Variants in NRXN3 observed in about 807,000 individuals in gnomAD.
The protein encoded by NRXN3 is neurexin III.
A neutral mutation model predicts 137.6 loss-of-function variants in NRXN3; 32 were observed. The ratio of observed to expected loss-of-function variants is 0.23; its 90% CI spans 0.18 to 0.31. The LOEUF is 0.31. NRXN3 is among the 10% of genes least tolerant of loss of function. The pLI is 1.00. For synonymous variants in NRXN3, 798 were observed against 784.5 expected (o/e 1.02, Z -0.29); for missense variants, 1,574 against 2,062.5 (o/e 0.76, Z 4.59).
chr14:78,917,092 C>T (rs1356693594), intron 10 of NRXN3, among the ~76,000 whole-genome samples: 4 of 152,086 alleles, frequency 2.6e-5, no homozygotes, highest in African/African-American at 4.8e-5. Flanking sequence ...TTTCAACATA[C>T]GAGTGTTTGG....
intron 16 of NRXN3, among the ~76,000 whole-genome samples, chr14:79,561,164 C>G (rs901923669): frequency 2.6e-5 from 4 of 152,254 alleles, no homozygotes; most frequent in African/African-American, 9.6e-5. Context: ...GCAGGTTGGC[C>G]TGGGCTCTGC....
At chr14:79,309,705 T>C (rs1442803828) in intron 15 of NRXN3, among the ~76,000 whole-genome samples, 1 of 146,778 alleles carries the variant, frequency 6.8e-6, no homozygotes, top group Non-Finnish European at 1.5e-5. Flanking sequence ...TTTCTTCATG[T>C]GTTTTTTGGC....
intron 8 of NRXN3, among the ~76,000 whole-genome samples, chr14:78,793,318 G>A (rs1001645971): frequency 2.6e-5 from 4 of 151,988 alleles, no homozygotes; most frequent in Admixed American, 6.6e-5. Flanking sequence ...GAACAGTGAC[G>A]GCATTTAAAT....
intron 15 of NRXN3, among the ~76,000 whole-genome samples, chr14:79,030,990 C>T (rs1169135836): frequency 6.6e-6 from 1 of 152,020 alleles, no homozygotes; most frequent in East Asian, 1.9e-4. Context: ...GTTGTTATGA[C>T]ATTTCTATTT....
intron 15 of NRXN3, among the ~76,000 whole-genome samples, chr14:79,141,865 A>G (rs2058813092): frequency 6.6e-6 from 1 of 152,194 alleles, no homozygotes; most frequent in Admixed American, 6.5e-5. Context: ...AAACTTCTGT[A>G]TATATTCGGT....
At chr14:79,256,974 C>A (rs1469072111) in intron 15 of NRXN3, among the ~76,000 whole-genome samples, 4 of 152,066 alleles carry the variant, frequency 2.6e-5, no homozygotes, top group Non-Finnish European at 4.4e-5. Flanking sequence ...AGGTTCACTT[C>A]TTAGTTCATC....
intron 7 of NRXN3, among the ~76,000 whole-genome samples, chr14:78,710,908 A>G: frequency 6.6e-6 from 1 of 152,216 alleles, no homozygotes; most frequent in East Asian, 1.9e-4. Flanking sequence ...AAGAGCCTTC[A>G]AATTAAATGT....
At chr14:78,685,736 G>A (rs569346109) in intron 6 of NRXN3, among the ~76,000 whole-genome samples, 1 of 148,774 alleles carries the variant, frequency 6.7e-6, no homozygotes, top group African/African-American at 2.5e-5. Context: ...GGGTTCAAGC[G>A]ATTCTCCTGC....
Position 79,798,704 on chromosome 14 carries a change from T to C in NRXN3, c.4015-6408T>C, listed in dbSNP as rs1603526282. Among the ~76,000 whole-genome samples the C allele has an allele frequency of 2.6e-5, 4 of 152,260 alleles. No homozygotes were observed. The East Asian group carries it at 5.8e-4, about 22-fold the overall frequency. On this transcript the variant is annotated intron_variant, in intron 19 of 20. Transcript: ENST00000335750. ...TGATTAGCCTATTACCAGTGTAAGA[T>C]AAAGAGCTGAAGGGTGGAATTTGAA...
chr14:78,242,474 T>G lies in NRXN3; in HGVS notation c.-620T>G, dbSNP rs1252920546. The G allele has an allele frequency of 6.6e-6, 1 of 152,482 alleles. No individual in the cohort carries two copies. The highest frequency in any genetic ancestry group is 1.5e-5 in the Non-Finnish European group (1 of 68,244). 9.4% of individuals were successfully genotyped at this position (152,482 alleles called of 1,614,324 possible). ...ATGAAGCCTGAGTCTGCTTGCGCTC[T>G]GCCCAGGGCCCTGCTCTGTCTGAGC... is the stretch of plus-strand genomic sequence containing the variant. On this transcript the variant is annotated 5_prime_UTR_variant, in exon 2 of 21. Coordinates refer to ENST00000335750, the MANE Select transcript of NRXN3 (RefSeq NM_001330195.2).
chr14:79,031,686 C>T (rs186187676), intron 15 of NRXN3, among the ~76,000 whole-genome samples: 155 of 144,396 alleles, frequency 1.1e-3, no homozygotes, highest in African/African-American at 3.8e-3. Context: ...TATTGTGTAT[C>T]CAAAATCAAA....
At chr14:79,706,561 A>G (rs1210077409) in intron 19 of NRXN3, among the ~76,000 whole-genome samples, 1 of 151,770 alleles carries the variant, frequency 6.6e-6, no homozygotes, top group East Asian at 2.0e-4. Flanking sequence ...AAATGCCATC[A>G]TGTTCCCAGG....
rs2098532376 is a variant in NRXN3, at chr14:78,734,454, A to G, written c.2044+19315A>G. 3.3e-5 allele frequency among the ~76,000 whole-genome samples: 5 copies of G among 152,206 alleles called. No individual in the cohort carries two copies. In the South Asian group the frequency reaches 1.0e-3, roughly 32 times the overall value. ...TTTACTCAAATATTAGTTAGTGATG[A>G]CTAACTGCCAGATACCATGCTAGTC... On this transcript the variant is annotated intron_variant, in intron 8 of 20. Transcript: ENST00000335750.
chr14:78,368,518 C>T (rs569130393), intron 4 of NRXN3, among the ~76,000 whole-genome samples: 18 of 152,222 alleles, frequency 1.2e-4, no homozygotes, highest in African/African-American at 4.3e-4. Context: ...ATGGTGAAAC[C>T]CCGTCTCTAC....
At position 78,613,095 on chromosome 14, in the gene NRXN3, C is replaced by T. The variant is rs544255541; in HGVS notation, c.758-32025C>T. 4.6e-5 allele frequency among the ~76,000 whole-genome samples: 7 copies of T among 152,260 alleles called. No individual in the cohort carries two copies. In the South Asian group the frequency reaches 1.0e-3, roughly 23 times the overall value. ...TAGAAAGCAAGTCCTTGACCAAAGG[C>T]CTGCCTTGCCAATCAGCCTCCTTGC... On this transcript the variant is annotated intron_variant, in intron 4 of 20. Transcript: ENST00000335750.
chr14:78,787,269 C>T (rs2098791909), intron 8 of NRXN3, among the ~76,000 whole-genome samples: 1 of 152,152 alleles, frequency 6.6e-6, no homozygotes, highest in African/African-American at 2.4e-5. Context: ...GGATTTATCT[C>T]TCTGATCTGG....
chr14:79,375,805 C>T (rs1429987995), intron 15 of NRXN3, among the ~76,000 whole-genome samples: 4 of 151,838 alleles, frequency 2.6e-5, no homozygotes, highest in Non-Finnish European at 5.9e-5. Flanking sequence ...TATATAAAAA[C>T]TAAAAGGAAT....
At chr14:79,790,598 T>G (rs997270983) in intron 19 of NRXN3, among the ~76,000 whole-genome samples, 6 of 149,098 alleles carry the variant, frequency 4.0e-5, no homozygotes, top group African/African-American at 1.5e-4. Context: ...CGTGGGCCAC[T>G]GTGTCTGGCC....
chr14:78,361,865 CT>C (rs1477909868), intron 4 of NRXN3, among the ~76,000 whole-genome samples: 1 of 152,042 alleles, frequency 6.6e-6, no homozygotes, highest in African/African-American at 2.4e-5. Context: ...CATCAAGGTA[CT>C]TTTCAAAGGC....
Sources: gnomAD v4.1 joint callset for allele counts (sites outside exome capture counted in the v4.1 genomes callset) on GRCh38, gnomAD v4.1.1 for gene constraint, MANE v1.5 for transcripts, NCBI Gene and HGNC (gene_info 2026-07-23, HGNC 2026-07-21) for gene names.